Variants in ATP2A1 observed in about 807,000 individuals in gnomAD.
ATP2A1 encodes sarcoplasmic/endoplasmic reticulum calcium ATPase 1.
ATP2A1 carries 83 observed loss-of-function variants against 109.5 expected under a neutral mutation model. The observed-to-expected ratio is 0.76, with a 90% confidence interval of 0.63 to 0.91. The LOEUF is 0.91. Among genes scored for constraint, ATP2A1 ranks in the 40% least tolerant of loss-of-function variants. The pLI is 0.00. For missense variants in ATP2A1, 1,101 were observed against 1,341.0 expected, an observed-to-expected ratio of 0.82 and a Z score of 2.80; for synonymous variants, 505 against 537.6, an observed-to-expected ratio of 0.94 and a Z score of 0.84.
chr16:28,902,978 G>A lies in ATP2A1; in HGVS notation c.2745-52G>A, dbSNP rs373585900. 38 of 1,612,566 alleles carry A rather than the reference G, an allele frequency of 2.4e-5. No individual in the cohort carries two copies. The East Asian group carries it at 3.1e-4, about 13-fold the overall frequency. ...CACTGCCCACATCCTCCACTGTGCCGCCCACCTCCTTCCTCCTCACTGTGC... is the reference window on the plus strand; with the variant it reads ...CACTGCCCACATCCTCCACTGTGCCACCCACCTCCTTCCTCCTCACTGTGC... On this transcript the variant is annotated intron_variant, in intron 19 of 22. Coordinates refer to ENST00000395503, the MANE Select transcript of ATP2A1 (RefSeq NM_004320.6). The surrounding 1 kb of genome is among the most constrained non-coding windows in gnomAD (Gnocchi z 4.8).
At position 28,898,552 on chromosome 16, in the gene ATP2A1, A is replaced by T; in HGVS notation, c.1764+101A>T. The T allele has an allele frequency of 1.5e-6, 2 of 1,345,710 alleles. No homozygotes were observed. The highest frequency in any genetic ancestry group is 2.1e-6 in the Non-Finnish European group (2 of 968,928). 83.4% of individuals were successfully genotyped at this position (1,345,710 alleles called of 1,614,324 possible). On this transcript the variant is annotated intron_variant, in intron 14 of 22. Coordinates refer to ENST00000395503, the MANE Select transcript of ATP2A1 (RefSeq NM_004320.6). This position sits in a 1 kb window ranked among gnomAD's most constrained non-coding sequence, Gnocchi z 4.0. Reference sequence around the variant, plus strand: ...CACCCGGATCATTTCCTACCTCGTCAGTCAAGTTGATGGCTCCTTAGTACA... The same window carrying T: ...CACCCGGATCATTTCCTACCTCGTCTGTCAAGTTGATGGCTCCTTAGTACA...
intron 12 of ATP2A1, among the ~76,000 whole-genome samples, chr16:28,895,219 C>A (rs1176087782): frequency 6.6e-6 from 1 of 152,240 alleles, no homozygotes; most frequent in Non-Finnish European, 1.5e-5. Context: ...GACACGGAAA[C>A]CACAAGGGAC....
At chr16:28,900,464 C>T in intron 14 of ATP2A1, 117 bp from the exon 15 acceptor site, 1 of 818,912 alleles carries the variant, frequency 1.2e-6, no homozygotes, top group Non-Finnish European at 1.8e-6. Context: ...GTTCAGGCTT[C>T]CCACCCCTCC....
chr16:28,884,695 G>A (rs918907485), intron 6 of ATP2A1, 40 bp downstream of exon 6: 5 of 1,565,060 alleles, frequency 3.2e-6, no homozygotes, highest in South Asian at 1.1e-5. Context: ...GGGGTGGGAC[G>A]TGGGGAGGAA....
intron 6 of ATP2A1, among the ~76,000 whole-genome samples, chr16:28,886,001 A>C (rs552399757): frequency 4.6e-5 from 7 of 152,022 alleles, no homozygotes; most frequent in Admixed American, 2.0e-4. Flanking sequence ...CCCCATCTCT[A>C]TAAAAAAAAA....
intron 7 of ATP2A1, 65 bp from the exon 8 acceptor site, chr16:28,887,360 C>T (rs1001135745): frequency 3.4e-5 from 55 of 1,611,282 alleles, no homozygotes; most frequent in South Asian, 3.4e-4. Context: ...GAAGAGATGG[C>T]GTGGGGAGAT....
At chr16:28,894,763 G>T (rs9931989) in intron 11 of ATP2A1, 59 bp from the exon 12 acceptor site, 5 of 1,607,966 alleles carry the variant, frequency 3.1e-6, no homozygotes, top group East Asian at 2.2e-5. Context: ...GGTGGAAGGA[G>T]GGTATGACAG....
In ATP2A1 at chr16:28,880,354, C is replaced by T. The variant is rs1355795272; in HGVS notation, c.220-561C>T. On this transcript the variant is annotated intron_variant, in intron 3 of 22. Transcript: ENST00000395503. The surrounding 1 kb of genome is among the most constrained non-coding windows in gnomAD (Gnocchi z 4.2). ...AACGCAGGCCCCGTCGCGTTAAGCA[C>T]AAGCTGGCAGGGCCTCTCCTCTCCC... is the stretch of plus-strand genomic sequence containing the variant. 6.6e-6 allele frequency among the ~76,000 whole-genome samples: 1 copy of T among 152,258 alleles called. No individual in the cohort carries two copies. Among genetic ancestry groups the T allele is most frequent in the Admixed American group, 6.5e-5 (1 of 15,294 alleles).
chr16:28,901,802 C>A, intron 15 of ATP2A1, 61 bp from the exon 16 acceptor site: 1 of 1,459,220 alleles, frequency 6.9e-7, no homozygotes, highest in Non-Finnish European at 9.4e-7. Context: ...AAAATAAAAC[C>A]TTTTTTAAAA....
At chr16:28,887,747 C>G in intron 8 of ATP2A1, 25 bp downstream of exon 8, 2 of 1,611,874 alleles carry the variant, frequency 1.2e-6, no homozygotes, top group Non-Finnish European at 1.7e-6. Context: ...CTTTTCTCCT[C>G]CCATTTGCTA....
At chr16:28,885,232 A>G (rs1203310567) in intron 6 of ATP2A1, among the ~76,000 whole-genome samples, 4 of 150,264 alleles carry the variant, frequency 2.7e-5, no homozygotes, top group Non-Finnish European at 5.9e-5. Flanking sequence ...ATGGGCAACA[A>G]GAGCAAGACC....
intron 6 of ATP2A1, among the ~76,000 whole-genome samples, chr16:28,885,660 A>T (rs554202559): frequency 1.3e-5 from 2 of 151,954 alleles, no homozygotes; most frequent in South Asian, 4.2e-4. Context: ...TGACGTTTCC[A>T]TTCTGTCCCA....
rs753024155 is a variant in ATP2A1 at position 28,894,908 on chromosome 16, T to A, written c.1374T>A (p.Asp458Glu). ...LVEKMNVFNT[D>E]VRSLSKVERA... ...AGAAGATGAATGTGTTCAACACGGA[T>A]GTGAGAAGCCTCTCGAAGGTGGAGA... The change falls in exon 12 of 23, where the codon GAT becomes GAA. Residue 458 changes from aspartate (D) to glutamate (E), a missense_variant. Coordinates refer to ENST00000395503, the MANE Select transcript of ATP2A1 (RefSeq NM_004320.6). 6.2e-7 allele frequency: 1 copy of A among 1,611,550 alleles called. No homozygotes were observed. The highest frequency in any genetic ancestry group is 8.5e-7 in the Non-Finnish European group (1 of 1,179,904).
chr16:28,879,918 C>T (rs1203454053), intron 3 of ATP2A1: 5 of 842,684 alleles, frequency 5.9e-6, no homozygotes, highest in Non-Finnish European at 7.4e-6. Context: ...GCGCGGGGGG[C>T]CACTGCCACT....
intron 14 of ATP2A1, among the ~76,000 whole-genome samples, chr16:28,899,796 A>G (rs1964019294): frequency 1.2e-5 from 1 of 83,678 alleles, no homozygotes; most frequent in Non-Finnish European, 2.4e-5. Flanking sequence ...CCAAGTCTCT[A>G]CTAAAATAAA....
In ATP2A1 at chr16:28,884,598, A is replaced by G; in HGVS notation, c.487A>G (p.Ile163Val). ...VAVGDKVPAD[I>V]RILAIKSTTL... is the part of the protein sequence containing the mutation. ...AGTGGGGGACAAAGTCCCTGCAGAC[A>G]TCCGAATCCTCGCCATCAAATCCAC... Residue 163 changes from isoleucine (I) to valine (V), a missense_variant, in exon 6 of 23, where the codon ATC becomes GTC. Transcript: ENST00000395503. The G allele has an allele frequency of 1.9e-6, 3 of 1,613,866 alleles. No homozygotes were observed. Among genetic ancestry groups the G allele is most frequent in the Non-Finnish European group, 2.5e-6 (3 of 1,180,004 alleles).
chr16:28,887,782 C>T (rs1194372359), intron 8 of ATP2A1, 60 bp downstream of exon 8: 1 of 1,562,432 alleles, frequency 6.4e-7, no homozygotes, highest in Non-Finnish European at 8.7e-7. Flanking sequence ...GACCCCTTTT[C>T]TTTTCTTTTC....
chr16:28,891,743 G>C (rs1212024809), intron 9 of ATP2A1, among the ~76,000 whole-genome samples: 1 of 151,800 alleles, frequency 6.6e-6, no homozygotes, highest in African/African-American at 2.4e-5. Flanking sequence ...GCCAGGCGTT[G>C]TGGTGGGCAC....
At position 28,883,953 on chromosome 16, in the gene ATP2A1, C is replaced by A. The variant is rs533904754; in HGVS notation, c.464-622C>A. Among the ~76,000 whole-genome samples, 40 of 152,192 alleles carry A rather than the reference C, an allele frequency of 2.6e-4. No homozygotes were observed. Among genetic ancestry groups the A allele is most frequent in the African/African-American group, 9.4e-4 (39 of 41,526 alleles). ...TGCCCCCCGCTGCCTTGAGTCCTGC[C>A]CACTCATACCTTCCGCTCACTCCTC... On this transcript the variant is annotated intron_variant, in intron 5 of 22. Transcript: ENST00000395503. This position sits in a 1 kb window ranked among gnomAD's most constrained non-coding sequence, Gnocchi z 5.2.
Sources: gnomAD v4.1 joint callset for allele counts (sites outside exome capture counted in the v4.1 genomes callset) on GRCh38, gnomAD v4.1.1 for gene constraint, Gnocchi (gnomAD v3.1) non-coding constraint, MANE v1.5 for transcripts, NCBI Gene and HGNC (gene_info 2026-07-23, HGNC 2026-07-21) for gene names.